CSTPP1: variants seen among roughly 807,000 people sequenced by gnomAD.
CSTPP1 encodes centriolar satellite-associated tubulin polyglutamylase complex regulator 1.
chr11:47,045,235 T>C, the CSTPP1 span, among the ~76,000 whole-genome samples: 1 of 152,196 alleles, frequency 6.6e-6, no homozygotes, highest in Non-Finnish European at 1.5e-5. Context: ...TAAAGATATT[T>C]TGAGGTAGAT....
At chr11:47,053,217 C>T in the CSTPP1 span, among the ~76,000 whole-genome samples, 8 of 152,144 alleles carry the variant, frequency 5.3e-5, no homozygotes, top group Non-Finnish European at 1.2e-4. Flanking sequence ...AGAATACTTA[C>T]ATAACAGATC....
chr11:47,159,417 T>C, the CSTPP1 span, among the ~76,000 whole-genome samples: 190 of 151,292 alleles, frequency 1.3e-3, 3 homozygotes, highest in East Asian at 0.034. Flanking sequence ...GGCTGAGGCA[T>C]GAGAATCGGT....
chr11:46,949,151 T>C, the CSTPP1 span, among the ~76,000 whole-genome samples: 1 of 151,828 alleles, frequency 6.6e-6, no homozygotes, highest in Non-Finnish European at 1.5e-5. Context: ...TTATTCTCCT[T>C]GATCAAATTT....
chr11:47,014,596 G>A, the CSTPP1 span, among the ~76,000 whole-genome samples: 1 of 151,762 alleles, frequency 6.6e-6, no homozygotes, highest in Admixed American at 6.6e-5. Flanking sequence ...CCAGCTATTC[G>A]GGAGGCTGAG....
chr11:47,126,086 T>C, the CSTPP1 span, among the ~76,000 whole-genome samples: 2 of 152,182 alleles, frequency 1.3e-5, no homozygotes, highest in African/African-American at 4.8e-5. Context: ...TCCTAATCTG[T>C]GTCTAGTCCT....
chr11:47,139,211 G>C, the CSTPP1 span, among the ~76,000 whole-genome samples: 1 of 152,124 alleles, frequency 6.6e-6, no homozygotes, highest in South Asian at 2.1e-4. Context: ...GGAGCCTCCG[G>C]CTCTGAAGAC....
chr11:47,067,561 C>T, the CSTPP1 span, among the ~76,000 whole-genome samples: 1 of 152,074 alleles, frequency 6.6e-6, no homozygotes. Context: ...GAAGAGACAC[C>T]GGAACTGGTG....
chr11:47,151,828 G>A, the CSTPP1 span, among the ~76,000 whole-genome samples: 17 of 151,760 alleles, frequency 1.1e-4, no homozygotes, highest in African/African-American at 3.9e-4. Flanking sequence ...CGCTTCACTC[G>A]CCCCCTACTC....
At chr11:47,038,717 C>G in the CSTPP1 span, among the ~76,000 whole-genome samples, 27 of 124,276 alleles carry the variant, frequency 2.2e-4, 1 homozygote, top group African/African-American at 6.5e-4. Flanking sequence ...AGGTGGCTCC[C>G]GGGCAGAGAC....
At chr11:47,161,632 G>C in the CSTPP1 span, 4 of 1,611,528 alleles carry the variant, frequency 2.5e-6, no homozygotes, top group Non-Finnish European at 3.4e-6. Flanking sequence ...ACGAGTCGGA[G>C]ACTTGAGGAG....
the CSTPP1 span, among the ~76,000 whole-genome samples, chr11:46,952,912 A>G: frequency 6.6e-6 from 1 of 152,218 alleles, no homozygotes; most frequent in Non-Finnish European, 1.5e-5. Context: ...TGAGAGTTAG[A>G]GACCCATTGT....
At chr11:46,946,753 C>T in the CSTPP1 span, among the ~76,000 whole-genome samples, 1 of 152,226 alleles carries the variant, frequency 6.6e-6, no homozygotes, top group African/African-American at 2.4e-5. Context: ...TCCTTCATAG[C>T]ACTTATCAGA....
the CSTPP1 span, among the ~76,000 whole-genome samples, chr11:47,145,900 A>ATTATTTTATTTTATTTTATTTTATT: frequency 6.6e-6 from 1 of 151,200 alleles, no homozygotes; most frequent in African/African-American, 2.4e-5. Context: ...CTTTCCGTAA[A>ATTATTTTATTTTATTTTATTTTATT]TTATTTTATT....
At chr11:47,047,003 C>T in the CSTPP1 span, among the ~76,000 whole-genome samples, 230 of 151,696 alleles carry the variant, frequency 1.5e-3, no homozygotes, top group African/African-American at 5.1e-3. Flanking sequence ...CGGGTTCAAG[C>T]GGTTCTTCTG....
chr11:47,095,987 GAGAT>G, the CSTPP1 span, among the ~76,000 whole-genome samples: 1 of 152,152 alleles, frequency 6.6e-6, no homozygotes, highest in Non-Finnish European at 1.5e-5. Flanking sequence ...TCCTGTTACA[GAGAT>G]AGATACATAA....
At chr11:46,997,318 C>G in the CSTPP1 span, among the ~76,000 whole-genome samples, 1 of 152,194 alleles carries the variant, frequency 6.6e-6, no homozygotes, top group African/African-American at 2.4e-5. Context: ...TCTTCAATCA[C>G]TCTTACCCTT....
At chr11:47,153,631 T>C in the CSTPP1 span, among the ~76,000 whole-genome samples, 1 of 152,200 alleles carries the variant, frequency 6.6e-6, no homozygotes, top group Non-Finnish European at 1.5e-5. Flanking sequence ...TGTAGGATTG[T>C]TGTGGGATAA....
chr11:47,037,940 T>A, the CSTPP1 span, among the ~76,000 whole-genome samples: 1 of 124,378 alleles, frequency 8.0e-6, no homozygotes, highest in Admixed American at 8.5e-5. Flanking sequence ...GCAGAGGGGC[T>A]CCTCACTTCC....
At chr11:47,038,056 A>C in the CSTPP1 span, among the ~76,000 whole-genome samples, 1 of 105,850 alleles carries the variant, frequency 9.4e-6, no homozygotes, top group Non-Finnish European at 2.3e-5. Flanking sequence ...GCGGCCGGGC[A>C]GAGGCGCCCC....
Sources: allele counts gnomAD v4.1 joint callset (sites outside exome capture counted in the v4.1 genomes callset), GRCh38; gene constraint gnomAD v4.1.1; transcripts MANE v1.5; gene names NCBI Gene and HGNC (gene_info 2026-07-23, HGNC 2026-07-21).